Variants in GRIK4 observed in about 807,000 individuals in gnomAD.
GRIK4 encodes glutamate receptor ionotropic, kainate 4.
Under a neutral mutation model 104.9 loss-of-function variants are expected in GRIK4, and 40 were observed. That is an observed-to-expected ratio of 0.38 (90% CI 0.30 to 0.50). GRIK4 has a LOEUF of 0.50. GRIK4 is among the 20% of genes least tolerant of loss of function. GRIK4 has a pLI of 0.93. For missense variants in GRIK4, 1,047 were observed against 1,308.1 expected (o/e 0.80, Z 3.08); for synonymous variants, 485 against 524.9 (o/e 0.92, Z 1.04).
chr11:120,592,929 T>G (rs756553880), intron 1 of GRIK4, among the ~76,000 whole-genome samples: 5 of 152,140 alleles, frequency 3.3e-5, no homozygotes, highest in Non-Finnish European at 7.4e-5. Flanking sequence ...ACACCTGTAA[T>G]CCCAGCACTT....
At chr11:120,667,190 A>T (rs1949928982) in intron 3 of GRIK4, among the ~76,000 whole-genome samples, 1 of 152,250 alleles carries the variant, frequency 6.6e-6, no homozygotes, top group African/African-American at 2.4e-5. Flanking sequence ...ACATTTCATT[A>T]TCATTGTGTC....
At chr11:120,720,154 G>C (rs1225226873) in intron 3 of GRIK4, among the ~76,000 whole-genome samples, 2 of 152,036 alleles carry the variant, frequency 1.3e-5, no homozygotes, top group East Asian at 3.9e-4. Flanking sequence ...GGGGGGAGGT[G>C]GTAAAGAAAG....
intron 1 of GRIK4, among the ~76,000 whole-genome samples, chr11:120,606,536 A>G (rs1948965271): frequency 6.6e-6 from 1 of 152,178 alleles, no homozygotes; most frequent in African/African-American, 2.4e-5. Flanking sequence ...CTGTGAGCAC[A>G]CTCATTCCGT....
intron 1 of GRIK4, among the ~76,000 whole-genome samples, chr11:120,553,519 A>ATGCTTCCAGCTTTTGCTCCATTC (rs1948159092): frequency 6.6e-6 from 1 of 152,212 alleles, no homozygotes; most frequent in African/African-American, 2.4e-5. Flanking sequence ...AAGGGATTTA[A>ATGCTTCCAGCTTTTGCTCCATTC]AGTCTCTGAA....
At chr11:120,746,847 T>C (rs1013983997) in intron 3 of GRIK4, among the ~76,000 whole-genome samples, 1 of 152,172 alleles carries the variant, frequency 6.6e-6, no homozygotes, top group African/African-American at 2.4e-5. Context: ...CTTGAATGAA[T>C]GCAGTCACTA....
At chr11:120,692,189 G>A (rs9651695) in intron 3 of GRIK4, among the ~76,000 whole-genome samples, 81,566 of 152,136 alleles carry the variant, frequency 0.54, 22,797 homozygotes, top group African/African-American at 0.69. Flanking sequence ...GAAGACATCT[G>A]TCTCTGGGGA....
At chr11:120,590,729 C>T (rs1948723021) in intron 1 of GRIK4, among the ~76,000 whole-genome samples, 2 of 152,154 alleles carry the variant, frequency 1.3e-5, no homozygotes, top group African/African-American at 4.8e-5. Flanking sequence ...GCAGCTTCTG[C>T]CACAGGGTCC....
intron 9 of GRIK4, among the ~76,000 whole-genome samples, chr11:120,864,327 A>G (rs7483806): frequency 0.5 from 74,888 of 150,998 alleles, 19,861 homozygotes; most frequent in African/African-American, 0.68. Flanking sequence ...TGCAAGCTCC[A>G]CCTCCCGGGT....
intron 3 of GRIK4, among the ~76,000 whole-genome samples, chr11:120,722,158 A>C (rs1360000792): frequency 1.3e-5 from 2 of 152,220 alleles, no homozygotes; most frequent in African/African-American, 4.8e-5. Context: ...GCAAGCCAGC[A>C]CACAAAGGGT....
rs369431689 is a variant in GRIK4, at chr11:120,821,083, G to A, written c.511+1163G>A. On this transcript the variant is annotated intron_variant, in intron 6 of 20. Transcript: ENST00000527524. ...CAAGGCCACACAACTTAAGCACCAG[G>A]GCCCAAACTCAAATACAGGCCTCCT... 3.3e-5 allele frequency among the ~76,000 whole-genome samples: 5 copies of A among 152,120 alleles called. No homozygotes were observed. The East Asian group carries it at 5.8e-4, about 18-fold the overall frequency.
intron 1 of GRIK4, among the ~76,000 whole-genome samples, chr11:120,639,543 A>G (rs1477807804): frequency 6.6e-6 from 1 of 152,160 alleles, no homozygotes; most frequent in East Asian, 1.9e-4. Flanking sequence ...TGTCTCAGTA[A>G]GTGACTCCAT....
chr11:120,947,158 T>C (rs993270505), intron 14 of GRIK4, among the ~76,000 whole-genome samples: 10 of 152,030 alleles, frequency 6.6e-5, no homozygotes, highest in Non-Finnish European at 1.5e-5. Context: ...AATCCCAGCA[T>C]TTTGGGAGGC....
At chr11:120,724,521 T>G (rs1202815185) in intron 3 of GRIK4, among the ~76,000 whole-genome samples, 1 of 152,206 alleles carries the variant, frequency 6.6e-6, no homozygotes, top group Non-Finnish European at 1.5e-5. Context: ...GAAGGAATGT[T>G]ATTGGCATTG....
chr11:120,630,655 A>G (rs974977443), intron 1 of GRIK4, among the ~76,000 whole-genome samples: 11 of 152,270 alleles, frequency 7.2e-5, no homozygotes, highest in African/African-American at 2.2e-4. Flanking sequence ...GTGACAGTCC[A>G]TAAATCCATA....
intron 5 of GRIK4, among the ~76,000 whole-genome samples, chr11:120,816,115 GA>G (rs1565369466): frequency 6.6e-6 from 1 of 151,706 alleles, no homozygotes; most frequent in African/African-American, 2.4e-5. Context: ...TTCCATGGGA[GA>G]AAAAAAATGG....
intron 19 of GRIK4, among the ~76,000 whole-genome samples, chr11:120,970,124 G>C (rs1197905242): frequency 6.6e-6 from 1 of 152,186 alleles, no homozygotes; most frequent in Non-Finnish European, 1.5e-5. Flanking sequence ...CAATTGTTGT[G>C]TTTTCCTGGG....
chr11:120,818,142 G>T (rs1273131483), intron 5 of GRIK4, among the ~76,000 whole-genome samples: 1 of 152,164 alleles, frequency 6.6e-6, no homozygotes, highest in Non-Finnish European at 1.5e-5. Context: ...TGGATTCACG[G>T]TATCTCTAAG....
intron 1 of GRIK4, among the ~76,000 whole-genome samples, chr11:120,634,771 A>G (rs1949377030): frequency 1.3e-5 from 2 of 152,118 alleles, no homozygotes; most frequent in African/African-American, 4.8e-5. Flanking sequence ...CCTCGTGGGC[A>G]GGAGGGGGCG....
chr11:120,957,592 TGTG>T, intron 16 of GRIK4, among the ~76,000 whole-genome samples: 1 of 27,154 alleles, frequency 3.7e-5, no homozygotes, highest in East Asian at 6.4e-4. Context: ...ACAAAACAAA[TGTG>T]TGTGTGTGTG....
Sources: allele counts gnomAD v4.1 joint callset (sites outside exome capture counted in the v4.1 genomes callset), GRCh38; gene constraint gnomAD v4.1.1; transcripts MANE v1.5; gene names NCBI Gene and HGNC (gene_info 2026-07-23, HGNC 2026-07-21).